The following FHL2 variants were observed in gnomAD, a reference collection of about 807,000 sequenced individuals.
The protein encoded by FHL2 is four and a half LIM domains 2, also known as four and a half LIM domains protein 2.
FHL2 carries 20 observed loss-of-function variants against 32.7 expected under a neutral mutation model. The observed-to-expected ratio is 0.61, with a 90% CI of 0.43 to 0.89. FHL2 has a LOEUF of 0.89. Ranked by LOEUF, FHL2 falls within the 40% of genes least tolerant of loss-of-function variation. The probability of loss-of-function intolerance (pLI) is 0.00; values close to 1 mark genes in which losing one functional copy is unlikely to be tolerated. For missense variants in FHL2, 311 were observed against 358.6 expected (o/e 0.87, Z 1.07); for synonymous variants, 123 against 128.1 (o/e 0.96, Z 0.27).
chr2:105,370,210 C>A (rs1480830468), intron 4 of FHL2, among the ~76,000 whole-genome samples: 4 of 151,642 alleles, frequency 2.6e-5, no homozygotes, highest in African/African-American at 7.3e-5. Flanking sequence ...CTGTCTCTAC[C>A]CCCCCAAAAA....
chr2:105,416,261 A>G (rs1363568943), intron 1 of FHL2, among the ~76,000 whole-genome samples: 2 of 152,240 alleles, frequency 1.3e-5, no homozygotes, highest in East Asian at 1.9e-4. Flanking sequence ...TAGTAAGAAG[A>G]GTGGTGTGGT....
rs770706113 is a variant in FHL2, at chr2:105,361,318, C to G, written c.805G>C (p.Asp269His). 8 of 1,614,070 alleles carry G rather than the reference C, an allele frequency of 5.0e-6. No individual in the cohort carries two copies. In the Admixed American group the frequency reaches 1.3e-4, roughly 27 times the overall value. Reference sequence around the variant, plus strand: ...TTCCCACAGTCGGGGCACAGGATGTCGTCCCTCTCTGTGAGGAAGCCACGC... The same window carrying G: ...TTCCCACAGTCGGGGCACAGGATGTGGTCCCTCTCTGTGAGGAAGCCACGC... ...VGRGFLTERD[D>H]ILCPDCGKDI is the part of the protein sequence containing the mutation. Residue 269 changes from aspartate to histidine, a missense_variant, in exon 7 of 7, where the codon GAC becomes CAC. Transcript: ENST00000530340.
chr2:105,363,075 C>T, intron 6 of FHL2: 1 of 565,996 alleles, frequency 1.8e-6, no homozygotes, highest in Non-Finnish European at 3.2e-6. Context: ...TGGTTGTGAT[C>T]AGGTGGGCTG....
At chr2:105,377,709 C>T in intron 3 of FHL2, 1 of 212,724 alleles carries the variant, frequency 4.7e-6, no homozygotes, top group Non-Finnish European at 9.6e-6. Flanking sequence ...CCTCTGTCCC[C>T]CTGTGCAGGC....
Position 105,433,007 on chromosome 2 carries a change from C to T in FHL2, c.-25+5392G>A, listed in dbSNP as rs150138539. 1.5e-3 allele frequency among the ~76,000 whole-genome samples: 231 copies of T among 152,296 alleles called. 1 individual carries two copies. The highest frequency in any genetic ancestry group is 5.5e-3 in the African/African-American group (227 of 41,564). On this transcript the variant is annotated intron_variant, in intron 1 of 5. Transcript: ENST00000393352. ...CTGAATTAAACACAACAGTTTGGTT[C>T]AGCAAATATTTATTAGTCAGTTGTG...
At chr2:105,425,960 C>T (rs1684253708) in intron 1 of FHL2, among the ~76,000 whole-genome samples, 1 of 152,162 alleles carries the variant, frequency 6.6e-6, no homozygotes, top group South Asian at 2.1e-4. Context: ...ACTATTGTTT[C>T]TCTATACTTT....
chr2:105,384,584 T>G (rs538101294), intron 3 of FHL2, among the ~76,000 whole-genome samples: 1 of 152,276 alleles, frequency 6.6e-6, no homozygotes, highest in South Asian at 2.1e-4. Flanking sequence ...CTCGGCTCAC[T>G]GTAACTTCTG....
chr2:105,363,218 G>A (rs1558678697), intron 6 of FHL2, 67 bp downstream of exon 6: 1 of 1,518,868 alleles, frequency 6.6e-7, no homozygotes, highest in Non-Finnish European at 9.0e-7. Context: ...CAGGGTCACA[G>A]GCTAAAATGC....
At chr2:105,419,992 GTC>G (rs1684051093) in intron 1 of FHL2, among the ~76,000 whole-genome samples, 1 of 152,182 alleles carries the variant, frequency 6.6e-6, no homozygotes, top group South Asian at 2.1e-4. Flanking sequence ...ATTGGCCAAG[GTC>G]TCAAGAGGAG....
intron 1 of FHL2, among the ~76,000 whole-genome samples, chr2:105,422,274 T>C (rs1191443656): frequency 1.3e-5 from 2 of 152,200 alleles, no homozygotes; most frequent in African/African-American, 4.8e-5. Flanking sequence ...AGAACTCCCA[T>C]GCCTTGTGAA....
At chr2:105,386,701 AATGATAACACCTTTTTTC>A (rs1227509640) in intron 2 of FHL2, among the ~76,000 whole-genome samples, 161 bp from the exon 3 acceptor site, 1 of 151,282 alleles carries the variant, frequency 6.6e-6, no homozygotes, top group East Asian at 1.9e-4. Context: ...CATAATTTTT[AATGATAACACCTTTTTTC>A]ATTAGCTAGG....
At chr2:105,405,989 C>A (rs772631599) in intron 1 of FHL2, among the ~76,000 whole-genome samples, 1 of 152,358 alleles carries the variant, frequency 6.6e-6, no homozygotes, top group Non-Finnish European at 1.5e-5. Context: ...TCTCCTGTGG[C>A]TAATTCTGCC....
intron 5 of FHL2, 138 bp from the exon 6 acceptor site, chr2:105,363,609 A>G (rs1680432722): frequency 3.9e-6 from 3 of 772,618 alleles, no homozygotes; most frequent in South Asian, 1.8e-5. Context: ...CTGCTTTACA[A>G]ACTTCACAGT....
chr2:105,396,490 T>G (rs945673733), intron 2 of FHL2, among the ~76,000 whole-genome samples, 157 bp downstream of exon 2: 12 of 152,134 alleles, frequency 7.9e-5, no homozygotes, highest in African/African-American at 2.9e-4. Context: ...CATATGTCAA[T>G]CTCATCCAAA....
intron 1 of FHL2, among the ~76,000 whole-genome samples, chr2:105,430,647 A>C (rs1391378576): frequency 6.6e-6 from 1 of 152,184 alleles, no homozygotes; most frequent in East Asian, 1.9e-4. Flanking sequence ...CAGCCTGGGC[A>C]ACAAGAGCGA....
At chr2:105,413,185 C>G (rs973747166) in intron 1 of FHL2, among the ~76,000 whole-genome samples, 2 of 152,138 alleles carry the variant, frequency 1.3e-5, no homozygotes, top group African/African-American at 4.8e-5. Context: ...TTCATAGCGT[C>G]TCCTTCTCAA....
chr2:105,373,722 G>A lies in FHL2; in HGVS notation c.168C>T (p.Tyr56=). The change falls in exon 4 of 7, where the codon TAC becomes TAT. Residue 56 remains tyrosine, a synonymous_variant. Coordinates refer to ENST00000530340, the MANE Select transcript of FHL2 (RefSeq NM_001318895.3). ...AGGCTTCATGCCAGTGCCGGTCCTTGTAAGACAAGTCCTGTGGGGCCAGAC... is the reference window on the plus strand; with the variant it reads ...AGGCTTCATGCCAGTGCCGGTCCTTATAAGACAAGTCCTGTGGGGCCAGAC... The part of the protein sequence containing the change: ...PIGCDCKDLS[Y]KDRHWHEACF... 1.2e-6 allele frequency: 2 copies of A among 1,613,966 alleles called. No homozygotes were observed. Among genetic ancestry groups the A allele is most frequent in the Non-Finnish European group, 1.7e-6 (2 of 1,180,030 alleles).
At chr2:105,378,810 G>A (rs1573321471) in intron 3 of FHL2, 1 of 152,408 alleles carries the variant, frequency 6.6e-6, no homozygotes, top group Non-Finnish European at 1.5e-5. Flanking sequence ...AAGTTTTGTG[G>A]TGTACAATAA....
At chr2:105,381,757 T>C (rs895016301) in intron 3 of FHL2, among the ~76,000 whole-genome samples, 1 of 152,134 alleles carries the variant, frequency 6.6e-6, no homozygotes, top group Non-Finnish European at 1.5e-5. Flanking sequence ...GGACAAATTC[T>C]ACACGGAAGA....
Sources: gnomAD v4.1 joint callset for allele counts (sites outside exome capture counted in the v4.1 genomes callset) on GRCh38, gnomAD v4.1.1 for gene constraint, MANE v1.5 for transcripts, NCBI Gene and HGNC (gene_info 2026-07-23, HGNC 2026-07-21) for gene names.